Variants in FCSK observed in about 807,000 individuals in gnomAD.
FCSK encodes the protein fucose kinase, also known as L-fucose kinase.
Under a neutral mutation model 122.5 loss-of-function variants are expected in FCSK, and 123 were observed. The ratio of observed to expected loss-of-function variants is 1.00; its 90% confidence interval spans 0.87 to 1.17. FCSK has a LOEUF of 1.17. Among genes scored for constraint, FCSK ranks in the 50% most tolerant of loss-of-function variants. FCSK has a pLI of 0.00. For missense variants in FCSK, 1,366 were observed against 1,450.4 expected (o/e 0.94, Z 0.95); for synonymous variants, 620 against 625.5 (o/e 0.99, Z 0.13).
chr16:70,468,086 G>A, intron 8 of FCSK, 120 bp downstream of exon 8: 2 of 783,136 alleles, frequency 2.6e-6, no homozygotes, highest in East Asian at 2.6e-5. Flanking sequence ...AGAATCTGAG[G>A]ACAGGGTAGC....
At chr16:70,469,680 C>T (rs761363736) in intron 10 of FCSK, among the ~76,000 whole-genome samples, 3 of 151,874 alleles carry the variant, frequency 2.0e-5, no homozygotes, top group African/African-American at 4.8e-5. Flanking sequence ...CAGCCTCCTG[C>T]GTACCTGGGA....
chr16:70,459,191 C>T (rs533765224), intron 1 of FCSK, among the ~76,000 whole-genome samples: 1 of 150,464 alleles, frequency 6.6e-6, no homozygotes, highest in South Asian at 2.1e-4. Flanking sequence ...CCACTACACT[C>T]CAGTCTGGGT....
Position 70,463,266 on chromosome 16 carries a change from C to G in FCSK, c.76C>G (p.Gln26Glu). 1 of 1,613,214 alleles carries G rather than the reference C, an allele frequency of 6.2e-7. No individual in the cohort carries two copies. Among genetic ancestry groups the G allele is most frequent in the Non-Finnish European group, 8.5e-7 (1 of 1,179,318 alleles). ...CQYKDSVQVF[Q>E]RELEVRQKRE... is the part of the protein sequence containing the mutation. ...GTACAAGGACAGTGTCCAGGTCTTT[C>G]AGAGAGGTAGGGGACTCCCCTTCCC... Residue 26 changes from glutamine (Q) to glutamate (E), a missense_variant, in exon 2 of 24, where the codon CAG (glutamine) becomes GAG (glutamate). By Grantham distance (29) the Gln-to-Glu change is conservative (BLOSUM62 2). Transcript: ENST00000288078.
intron 1 of FCSK, among the ~76,000 whole-genome samples, chr16:70,455,314 G>A (rs1334138031): frequency 6.6e-6 from 1 of 152,188 alleles, no homozygotes; most frequent in African/African-American, 2.4e-5. Flanking sequence ...CTCAGCAGAT[G>A]AGGCTGTATT....
At chr16:70,475,920 TCTC>T in intron 20 of FCSK, 153 bp downstream of exon 20, 1 of 789,142 alleles carries the variant, frequency 1.3e-6, no homozygotes, top group Non-Finnish European at 1.8e-6. Flanking sequence ...ACTTTGACCT[TCTC>T]TGGTCGTTTT....
intron 11 of FCSK, 73 bp downstream of exon 11, chr16:70,470,499 A>G: frequency 1.1e-6 from 1 of 910,960 alleles, no homozygotes; most frequent in South Asian, 1.4e-5. Context: ...CCGGGAAGAA[A>G]ATAGCCGGCA....
At position 70,478,564 on chromosome 16, in the gene FCSK, G is replaced by A. The variant is rs1249132352; in HGVS notation, c.2843G>A (p.Ser948Asn). ...ARNLLQDVLR[S>N]WYARLPAVVQ... is the part of the protein sequence containing the mutation. ...CCCCGTCCGCAGGATGTGCTGAGGA[G>A]CTGGTATGCCCGACTTCCTGCTGTG... Residue 948 changes from serine to asparagine, a missense_variant, in exon 22 of 24, where the codon AGC becomes AAC. Physicochemically the swap from Ser to Asn is conservative, Grantham distance 46. Transcript: ENST00000288078. 1.2e-6 allele frequency: 2 copies of A among 1,613,816 alleles called. No homozygotes were observed. The highest frequency in any genetic ancestry group is 1.7e-6 in the Non-Finnish European group (2 of 1,180,046).
At chr16:70,477,506 A>G (rs1313916210) in intron 20 of FCSK, 2 of 151,966 alleles carry the variant, frequency 1.3e-5, no homozygotes, top group Admixed American at 1.3e-4. Context: ...TTATGCAGCT[A>G]CAAGGAGGAA....
rs1295601245 is a variant in FCSK, at chr16:70,466,974, G to A, written c.484+20G>A. On this transcript the variant is annotated intron_variant, in intron 6 of 23. Coordinates refer to ENST00000288078, the MANE Select transcript of FCSK (RefSeq NM_145059.3). ...ATCCTGGTGAGCCTGAGACTACCTG[G>A]GACTGCCTTCCTTCGTCACAGCCAC... 6 of 1,610,576 alleles carry A rather than the reference G, an allele frequency of 3.7e-6. No homozygotes were observed. The South Asian group carries it at 6.6e-5, about 18-fold the overall frequency.
chr16:70,478,444 TC>T lies in FCSK; in HGVS notation c.2815del (p.Arg939GlyfsTer8), dbSNP rs1454046384. On this transcript the variant is annotated frameshift_variant, in exon 21 of 24. Coordinates refer to ENST00000288078, the MANE Select transcript of FCSK (RefSeq NM_145059.3). LOFTEE classifies it high-confidence loss of function. ...TGTACACTGGCAAGACCCGCCTGGC[TC>T]GGAACCTGCTGCAGGTGAGCTCTGG... ...LVYTGKTRLA[R>X]NLLQDVLRSW... 1.9e-6 allele frequency: 3 copies of T among 1,614,054 alleles called. No homozygotes were observed. Among genetic ancestry groups the T allele is most frequent in the Non-Finnish European group, 2.5e-6 (3 of 1,180,024 alleles).
At chr16:70,470,160 G>C (rs2048564868) in intron 10 of FCSK, among the ~76,000 whole-genome samples, 154 bp from the exon 11 acceptor site, 1 of 152,186 alleles carries the variant, frequency 6.6e-6, no homozygotes, top group Admixed American at 6.5e-5. Context: ...CTACTTTCTA[G>C]CTGTGTTGTG....
intron 7 of FCSK, 82 bp from the exon 8 acceptor site, chr16:70,467,804 C>A: frequency 8.5e-7 from 1 of 1,179,342 alleles, no homozygotes; most frequent in Non-Finnish European, 1.3e-6. Context: ...TTGGAGAATG[C>A]CCTTGCTGCC....
At chr16:70,465,311 G>A (rs2048383785) in intron 4 of FCSK, 135 bp downstream of exon 4, 4 of 873,572 alleles carry the variant, frequency 4.6e-6, no homozygotes, top group Non-Finnish European at 6.9e-6. Flanking sequence ...TCCAAAAATT[G>A]GGAAATGGCT....
chr16:70,466,068 C>A, intron 4 of FCSK, 64 bp from the exon 5 acceptor site: 1 of 1,567,252 alleles, frequency 6.4e-7, no homozygotes. Flanking sequence ...TCTGCCTGCA[C>A]AGCTGATGAG....
Position 70,473,503 on chromosome 16 carries a change from G to T in FCSK, c.1777+150G>T. 9.9e-7 allele frequency: 1 copy of T among 1,007,162 alleles called. No homozygotes were observed. Among genetic ancestry groups the T allele is most frequent in the Non-Finnish European group, 1.4e-6 (1 of 717,428 alleles). 62.4% of individuals were successfully genotyped at this position (1,007,162 alleles called of 1,614,324 possible). On this transcript the variant is annotated intron_variant, in intron 15 of 23. Transcript: ENST00000288078. The surrounding 1 kb of genome is among the most constrained non-coding windows in gnomAD (Gnocchi z 4.9). ...GAGTTTACTTTTAGGATTCTGGAAG[G>T]CCTCATCCTTGTCAATGGGGTTTGG...
rs374822385 is a variant in FCSK, at chr16:70,467,956, G to A, written c.653G>A (p.Arg218Gln). 5.6e-6 allele frequency: 9 copies of A among 1,613,702 alleles called. No homozygotes were observed. The African/African-American group carries it at 6.7e-5, about 12-fold the overall frequency. Residue 218 changes from arginine to glutamine, a missense_variant, in exon 8 of 24, where the codon CGG (arginine) becomes CAG (glutamine). Physicochemically the swap from Arg to Gln is conservative, Grantham distance 43 (BLOSUM62 1). Transcript: ENST00000288078. ...EIQRCVRPDG[R>Q]VPLVSGVVFF... ...CAGCGGTGTGTCAGGCCTGATGGGC[G>A]GGTGCCACTGGTATGGCTGCTGGGC...
intron 13 of FCSK, among the ~76,000 whole-genome samples, chr16:70,471,854 G>A (rs560097582): frequency 1.4e-3 from 204 of 146,424 alleles, no homozygotes; most frequent in Middle Eastern, 0.01. Context: ...CTCCCAGGCC[G>A]GAGTGCAGTG....
At chr16:70,467,067 G>C in intron 6 of FCSK, 113 bp downstream of exon 6, 1 of 995,170 alleles carries the variant, frequency 1.0e-6, no homozygotes, top group Non-Finnish European at 1.6e-6. Flanking sequence ...CCTATTAGAC[G>C]GGAAGCTGGA....
Position 70,463,787 on chromosome 16 carries a change from C to T in FCSK, c.234+13C>T, listed in dbSNP as rs780144767. On this transcript the variant is annotated intron_variant, in intron 3 of 23. Transcript: ENST00000288078. ...GGCAGGCTTCACTGTGAGTGCTCAC[C>T]AGGGCCACCTCCCTGGTCTGTGTCC... The T allele has an allele frequency of 6.3e-7, 1 of 1,599,536 alleles. No homozygotes were observed. The highest frequency in any genetic ancestry group is 1.7e-5 in the Admixed American group (1 of 57,544).
Sources: allele counts gnomAD v4.1 joint callset (sites outside exome capture counted in the v4.1 genomes callset), GRCh38; gene constraint gnomAD v4.1.1; non-coding constraint Gnocchi (gnomAD v3.1); transcripts MANE v1.5; gene names NCBI Gene and HGNC (gene_info 2026-07-23, HGNC 2026-07-21).